The following SRGAP1 variants were observed in gnomAD, a reference collection of about 807,000 sequenced individuals.
The protein encoded by SRGAP1 is SLIT-ROBO Rho GTPase activating protein 1.
Under a neutral mutation model 121.9 loss-of-function variants are expected in SRGAP1, and 43 were observed. That is an observed-to-expected ratio of 0.35 (90% confidence interval 0.28 to 0.46). The LOEUF (loss-of-function observed/expected upper bound fraction) is 0.46. Among genes scored for constraint, SRGAP1 ranks in the 20% least tolerant of loss-of-function variants. The probability of loss-of-function intolerance (pLI) is 1.00; values close to 1 mark genes in which losing one functional copy is unlikely to be tolerated. For synonymous variants in SRGAP1, 447 were observed against 485.4 expected, an observed-to-expected ratio of 0.92 and a Z score of 1.04; for missense variants, 1,102 against 1,350.9, an observed-to-expected ratio of 0.82 and a Z score of 2.89.
chr12:64,041,753 AATGTGTGTAC>A (rs1056470559), intron 4 of SRGAP1, among the ~76,000 whole-genome samples: 2 of 151,856 alleles, frequency 1.3e-5, no homozygotes, highest in African/African-American at 4.8e-5. Flanking sequence ...TAAAGGAAGA[AATGTGTGTAC>A]ATGTGTGTAT....
At chr12:63,953,632 C>T (rs2032368158) in intron 1 of SRGAP1, among the ~76,000 whole-genome samples, 1 of 151,854 alleles carries the variant, frequency 6.6e-6, no homozygotes, top group East Asian at 1.9e-4. Context: ...GTCCCAAACT[C>T]CTAGTCTCAA....
intron 18 of SRGAP1, 49 bp downstream of exon 18, chr12:64,115,942 T>A: frequency 1.3e-6 from 2 of 1,488,780 alleles, no homozygotes; most frequent in Non-Finnish European, 1.8e-6. Context: ...ATATCCCTAT[T>A]GTAAACAATT....
At chr12:63,981,005 G>C (rs547100187) in intron 1 of SRGAP1, among the ~76,000 whole-genome samples, 1 of 152,150 alleles carries the variant, frequency 6.6e-6, no homozygotes, top group Non-Finnish European at 1.5e-5. Flanking sequence ...AGAGGTAGTT[G>C]AATGGATTAT....
intron 1 of SRGAP1, among the ~76,000 whole-genome samples, chr12:63,898,978 C>G (rs1900842252): frequency 6.6e-6 from 1 of 152,162 alleles, no homozygotes; most frequent in Admixed American, 6.5e-5. Flanking sequence ...TTTTTGCCAG[C>G]TTACTTAGAA....
At chr12:64,104,433 C>A (rs748622290) in intron 15 of SRGAP1, among the ~76,000 whole-genome samples, 1 of 152,158 alleles carries the variant, frequency 6.6e-6, no homozygotes, top group Non-Finnish European at 1.5e-5. Flanking sequence ...CCACTGACAA[C>A]TTTTCTGAGG....
At chr12:64,127,519 C>A in intron 19 of SRGAP1, 71 bp from the exon 20 acceptor site, 2 of 1,474,838 alleles carry the variant, frequency 1.4e-6, no homozygotes, top group Non-Finnish European at 9.1e-7. Flanking sequence ...TTTTCATCTC[C>A]ACTCATCTAG....
At chr12:63,899,113 C>T (rs1186369537) in intron 1 of SRGAP1, among the ~76,000 whole-genome samples, 2 of 152,170 alleles carry the variant, frequency 1.3e-5, no homozygotes, top group Non-Finnish European at 2.9e-5. Flanking sequence ...TGGCTCACAC[C>T]TGTAATCCCA....
intron 1 of SRGAP1, among the ~76,000 whole-genome samples, chr12:63,858,617 TTTTTAAACTGCTAATCAGTAGTTAATCA>T (rs1420079137): frequency 7.2e-5 from 11 of 152,360 alleles, no homozygotes; most frequent in Middle Eastern, 3.4e-3. Flanking sequence ...GTATGAATAA[TTTTTAAACTGCTAATCAGTAGTTAATCA>T]TTTTATTAGT....
At chr12:64,131,225 T>C (rs1086268) in intron 21 of SRGAP1, among the ~76,000 whole-genome samples, 127,559 of 152,232 alleles carry the variant, frequency 0.84, 54,098 homozygotes, top group East Asian at 1. Flanking sequence ...CGTTGGTGAG[T>C]ACTCACATGG....
Position 64,110,262 on chromosome 12 carries a change from C to T in SRGAP1, c.1919+1225C>T, listed in dbSNP as rs143584696. On this transcript the variant is annotated intron_variant, in intron 16 of 21. Coordinates refer to ENST00000355086, the MANE Select transcript of SRGAP1 (RefSeq NM_020762.4). ...CCATTCCTACCAAATCTTCCTGACA[C>T]ACCTGAACAAAATCCACTGTGAACT... is the stretch of plus-strand genomic sequence containing the variant. Among the ~76,000 whole-genome samples, 95 of 152,318 alleles carry T rather than the reference C, an allele frequency of 6.2e-4. 1 individual carries two copies. Among genetic ancestry groups the T allele is most frequent in the African/African-American group, 2.2e-3 (91 of 41,576 alleles).
intron 6 of SRGAP1, 108 bp from the exon 7 acceptor site, chr12:64,062,809 C>A: frequency 1.4e-6 from 1 of 739,676 alleles, no homozygotes; most frequent in Non-Finnish European, 2.2e-6. Context: ...GTCATGAAAG[C>A]TTACCCCCAT....
Position 64,076,459 on chromosome 12 carries a change from A to C in SRGAP1, c.1126-2460A>C, listed in dbSNP as rs533416466. ...AATTCTAGCACTGAGAAATAACCAA[A>C]ATTAAGAAAGCAGTGGGTGAGTTTA... On this transcript the variant is annotated intron_variant, in intron 8 of 21. Coordinates refer to ENST00000355086, the MANE Select transcript of SRGAP1 (RefSeq NM_020762.4). Among the ~76,000 whole-genome samples the C allele has an allele frequency of 1.3e-4, 20 of 152,340 alleles. No homozygotes were observed. In the East Asian group the frequency reaches 3.7e-3, roughly 28 times the overall value.
intron 1 of SRGAP1, among the ~76,000 whole-genome samples, chr12:63,927,362 A>T (rs935779496): frequency 2.6e-5 from 4 of 152,146 alleles, no homozygotes; most frequent in African/African-American, 9.7e-5. Flanking sequence ...GCTGGCCCGG[A>T]TTAGGTACTT....
chr12:63,885,470 T>C (rs544632598), intron 1 of SRGAP1, among the ~76,000 whole-genome samples: 18 of 152,258 alleles, frequency 1.2e-4, no homozygotes, highest in African/African-American at 3.9e-4. Context: ...TGGGTTTCTG[T>C]GGAGGCTTCA....
chr12:63,864,076 A>G (rs1899542983), intron 1 of SRGAP1, among the ~76,000 whole-genome samples: 1 of 152,226 alleles, frequency 6.6e-6, no homozygotes, highest in Non-Finnish European at 1.5e-5. Flanking sequence ...CCTTTAGGCT[A>G]AACTTAAAAT....
chr12:64,045,461 A>G (rs531329793), intron 6 of SRGAP1, among the ~76,000 whole-genome samples: 161 of 148,874 alleles, frequency 1.1e-3, no homozygotes, highest in African/African-American at 3.7e-3. Context: ...TCTGAGATGG[A>G]GTCTCACTCT....
chr12:64,090,702 T>A (rs2036035331), intron 11 of SRGAP1, among the ~76,000 whole-genome samples: 1 of 152,114 alleles, frequency 6.6e-6, no homozygotes, highest in South Asian at 2.1e-4. Flanking sequence ...TAGCTGGGCA[T>A]GATGGCATGC....
At chr12:64,141,159 T>C (rs1361076640) in intron 21 of SRGAP1, among the ~76,000 whole-genome samples, 1 of 146,348 alleles carries the variant, frequency 6.8e-6, no homozygotes, top group East Asian at 2.0e-4. Flanking sequence ...CATCGGGAGA[T>C]ATACCTAATG....
intron 8 of SRGAP1, among the ~76,000 whole-genome samples, chr12:64,075,554 C>T (rs1295486588): frequency 1.3e-5 from 2 of 152,150 alleles, no homozygotes; most frequent in Non-Finnish European, 2.9e-5. Flanking sequence ...CAGAGTATAC[C>T]ATCTTCACAT....
Sources: allele counts gnomAD v4.1 joint callset (sites outside exome capture counted in the v4.1 genomes callset), GRCh38; gene constraint gnomAD v4.1.1; transcripts MANE v1.5; gene names NCBI Gene and HGNC (gene_info 2026-07-23, HGNC 2026-07-21).